Variants in SNAPC3 observed in about 807,000 individuals in gnomAD.
The protein encoded by SNAPC3 is small nuclear RNA activating complex polypeptide 3.
SNAPC3 carries 56 observed loss-of-function variants against 47.7 expected under a neutral mutation model. The observed-to-expected ratio is 1.18, with a 90% CI of 0.95 to 1.47. The LOEUF (loss-of-function observed/expected upper bound fraction) is 1.47. Ranked by LOEUF, SNAPC3 falls within the 40% of genes most tolerant of loss-of-function variation. The pLI, the probability that SNAPC3 is intolerant of heterozygous loss-of-function variation, is 0.00. For missense variants in SNAPC3, 665 were observed against 511.3 expected (o/e 1.30, Z -2.90); for synonymous variants, 235 against 189.9 (o/e 1.24, Z -1.95).
At chr9:15,452,421 C>T (rs535499431) in intron 6 of SNAPC3, among the ~76,000 whole-genome samples, 36 of 151,454 alleles carry the variant, frequency 2.4e-4, no homozygotes, top group Admixed American at 9.9e-4. Context: ...CAGTTTCAAG[C>T]GATTCTCCTG....
At chr9:15,464,808 C>A (rs531514922), downstream of SNAPC3, 1 of 207,194 alleles carries the variant, frequency 4.8e-6, no homozygotes, top group East Asian at 7.4e-5. Flanking sequence ...CAGTTGTCTG[C>A]AAAGAAGTCC....
intron 2 of SNAPC3, among the ~76,000 whole-genome samples, chr9:15,429,648 A>G (rs953534253): frequency 2.6e-5 from 4 of 152,204 alleles, no homozygotes; most frequent in African/African-American, 9.6e-5. Context: ...TAATAGAAAT[A>G]TCAACTCCCC....
chr9:15,426,470 C>T (rs1399503058), intron 2 of SNAPC3, among the ~76,000 whole-genome samples: 7 of 152,190 alleles, frequency 4.6e-5, no homozygotes, highest in Non-Finnish European at 8.8e-5. Context: ...ACATCTGCCA[C>T]ACTCACTGCT....
chr9:15,458,058 A>G lies in SNAPC3; in HGVS notation c.1079A>G (p.Tyr360Cys), dbSNP rs769145510. ...WTRKCFVCKMYTARWVTNNDS... is the reference protein window; with the variant it reads ...WTRKCFVCKMCTARWVTNNDS... ...AGAAAATGTTTTGTTTGTAAAATGT[A>G]TACAGCCAGGTGAGTGATAATGTAT... is the stretch of plus-strand genomic sequence containing the variant. The change falls in exon 8 of 9, where the codon TAT becomes TGT. Residue 360 changes from tyrosine to cysteine, a missense_variant. Physicochemically the swap from Tyr to Cys is radical, Grantham distance 194. Transcript: ENST00000380821. 3.9e-6 allele frequency: 6 copies of G among 1,547,882 alleles called. No individual in the cohort carries two copies. The South Asian group carries it at 6.1e-5, about 16-fold the overall frequency.
chr9:15,423,222 G>T, intron 1 of SNAPC3, 29 bp downstream of exon 1: 1 of 1,547,660 alleles, frequency 6.5e-7, no homozygotes, highest in Non-Finnish European at 8.6e-7. Flanking sequence ...GGCTCTTGCA[G>T]CTTGGGGTCA....
intron 2 of SNAPC3, among the ~76,000 whole-genome samples, chr9:15,430,409 G>A (rs994067336): frequency 1.3e-5 from 2 of 151,912 alleles, no homozygotes; most frequent in Non-Finnish European, 2.9e-5. Context: ...TCCAGCCTGG[G>A]CAACAGAAAA....
chr9:15,435,463 C>G (rs561923957), intron 3 of SNAPC3, among the ~76,000 whole-genome samples: 1 of 152,102 alleles, frequency 6.6e-6, no homozygotes, highest in African/African-American at 2.4e-5. Context: ...ATCCCAGCTA[C>G]TCGGGAGACT....
chr9:15,464,938 CCATA>C (rs2035510172), downstream of SNAPC3: 1 of 214,512 alleles, frequency 4.7e-6, no homozygotes, highest in East Asian at 7.0e-5. Flanking sequence ...CCAAAAAAAA[CCATA>C]CAGAGCACAC....
chr9:15,451,518 A>G (rs1312332983), intron 6 of SNAPC3, 116 bp downstream of exon 6: 2 of 479,518 alleles, frequency 4.2e-6, no homozygotes, highest in Non-Finnish European at 7.4e-6. Context: ...AATTATTGAT[A>G]AATCTTGTCT....
At chr9:15,431,885 T>C (rs1370566712) in intron 2 of SNAPC3, 1 of 34,072 alleles carries the variant, frequency 2.9e-5, no homozygotes, top group Middle Eastern at 0.014. Flanking sequence ...AAAGCCTGTC[T>C]TTTTTTTTTT....
chr9:15,434,616 G>A (rs1191471690), intron 3 of SNAPC3, among the ~76,000 whole-genome samples: 2 of 152,032 alleles, frequency 1.3e-5, no homozygotes, highest in African/African-American at 4.8e-5. Context: ...ATGTTGGCCA[G>A]GCTGGTCTCG....
chr9:15,433,979 CTT>C (rs948780191), intron 3 of SNAPC3, among the ~76,000 whole-genome samples: 1 of 152,140 alleles, frequency 6.6e-6, no homozygotes, highest in Non-Finnish European at 1.5e-5. Context: ...TCTATTATCT[CTT>C]GTGTAAAACT....
chr9:15,459,644 T>C, intron 8 of SNAPC3, 75 bp from the exon 9 acceptor site: 2 of 1,120,256 alleles, frequency 1.8e-6, no homozygotes, highest in Non-Finnish European at 1.3e-6. Context: ...ATTTACATAT[T>C]GCTACAGGTC....
At chr9:15,444,514 C>G (rs2033766562) in intron 3 of SNAPC3, 88 bp from the exon 4 acceptor site, 4 of 784,720 alleles carry the variant, frequency 5.1e-6, no homozygotes, top group Non-Finnish European at 8.6e-6. Context: ...GGCTGCTTGA[C>G]TCGATCCCTT....
intron 3 of SNAPC3, among the ~76,000 whole-genome samples, chr9:15,444,069 G>C (rs909549065): frequency 4.6e-5 from 7 of 152,132 alleles, no homozygotes; most frequent in Non-Finnish European, 2.9e-5. Context: ...AACCAGTTCA[G>C]CCTGGCCCCT....
chr9:15,437,622 G>GTTT (rs577506548), intron 3 of SNAPC3, among the ~76,000 whole-genome samples: 7 of 115,756 alleles, frequency 6.0e-5, no homozygotes, highest in African/African-American at 1.8e-4. Flanking sequence ...ATGATCTGTT[G>GTTT]TTTTTTTTTT....
intron 7 of SNAPC3, among the ~76,000 whole-genome samples, chr9:15,456,881 A>G (rs1228591440): frequency 6.6e-6 from 1 of 152,244 alleles, no homozygotes; most frequent in Non-Finnish European, 1.5e-5. Context: ...ATTCATTGCC[A>G]TTCCATAATA....
intron 7 of SNAPC3, 41 bp downstream of exon 7, chr9:15,453,246 T>C (rs746199116): frequency 1.3e-6 from 2 of 1,490,356 alleles, no homozygotes; most frequent in Non-Finnish European, 1.8e-6. Flanking sequence ...CCTTTTTTTT[T>C]CTTTATTTCA....
intron 2 of SNAPC3, among the ~76,000 whole-genome samples, chr9:15,428,973 A>T (rs1415634651): frequency 6.6e-6 from 1 of 152,204 alleles, no homozygotes; most frequent in Non-Finnish European, 1.5e-5. Context: ...AGAAATTGAA[A>T]AAAAAACTAA....
Sources: allele counts gnomAD v4.1 joint callset (sites outside exome capture counted in the v4.1 genomes callset), GRCh38; gene constraint gnomAD v4.1.1; transcripts MANE v1.5; gene names NCBI Gene and HGNC (gene_info 2026-07-23, HGNC 2026-07-21).